Variants in CBX1 observed in about 807,000 individuals in gnomAD.
CBX1 encodes chromobox 1, also known as chromobox protein homolog 1.
Under a neutral mutation model 25.1 loss-of-function variants are expected in CBX1, and 10 were observed. That is an observed-to-expected ratio of 0.40 (90% CI 0.25 to 0.68). The LOEUF is 0.68. Among genes scored for constraint, CBX1 ranks in the 30% least tolerant of loss-of-function variants. CBX1 has a pLI of 0.40. For missense variants in CBX1, 106 were observed against 218.5 expected (o/e 0.49, Z 3.25); for synonymous variants, 63 against 79.4 (o/e 0.79, Z 1.10).
chr17:48,070,412 G>T lies in CBX1; in HGVS notation c.*1023C>A, dbSNP rs1340356000. The T allele has an allele frequency of 6.6e-6, 1 of 152,620 alleles. No individual in the cohort carries two copies. Among genetic ancestry groups the T allele is most frequent in the Non-Finnish European group, 1.5e-5 (1 of 68,050 alleles). 9.5% of individuals were successfully genotyped at this position (152,620 alleles called of 1,614,324 possible). Reference sequence around the variant, plus strand: ...CTTGTGCTGTCAGTGACTGAACCCTGCCAACAATGGTTTCAGTGTTCAAAG... The same window carrying T: ...CTTGTGCTGTCAGTGACTGAACCCTTCCAACAATGGTTTCAGTGTTCAAAG... On this transcript the variant is annotated 3_prime_UTR_variant, in exon 5 of 5. Transcript: ENST00000225603.
intron 1 of CBX1, among the ~76,000 whole-genome samples, chr17:48,099,749 A>G (rs1241221678): frequency 1.3e-5 from 2 of 152,208 alleles, no homozygotes; most frequent in African/African-American, 2.4e-5. Context: ...AACTGATTAT[A>G]GCTGAACTTT....
intron 1 of CBX1, among the ~76,000 whole-genome samples, chr17:48,080,836 G>C (rs1410764719): frequency 7.3e-6 from 1 of 136,646 alleles, no homozygotes. Flanking sequence ...CAGGAGAATT[G>C]CTTGAACCCG....
At chr17:48,092,606 G>T (rs1333437552) in intron 1 of CBX1, among the ~76,000 whole-genome samples, 1 of 151,410 alleles carries the variant, frequency 6.6e-6, no homozygotes, top group Non-Finnish European at 1.5e-5. Flanking sequence ...GGTGCCCGCC[G>T]CTGCACCTGG....
intron 1 of CBX1, among the ~76,000 whole-genome samples, chr17:48,089,731 G>C (rs1286045082): frequency 6.7e-6 from 1 of 148,940 alleles, no homozygotes; most frequent in South Asian, 2.2e-4. Flanking sequence ...GCTGAGGCAG[G>C]AGAATCACTT....
intron 1 of CBX1, among the ~76,000 whole-genome samples, chr17:48,086,758 G>A (rs2063314133): frequency 6.6e-6 from 1 of 152,150 alleles, no homozygotes; most frequent in Non-Finnish European, 1.5e-5. Context: ...TTGGGAGCCT[G>A]AGGCAGGAGA....
chr17:48,093,322 G>A (rs1464554413), intron 1 of CBX1, among the ~76,000 whole-genome samples: 10 of 148,442 alleles, frequency 6.7e-5, no homozygotes, highest in South Asian at 2.1e-4. Flanking sequence ...GACAGGTCTC[G>A]AAAAAAATTT....
Position 48,076,025 on chromosome 17 carries a change from G to A in CBX1, c.294C>T (p.Ser98=), listed in dbSNP as rs776637506. ...DSDSEDKGEE[S]KPKKKKEESE... ...CCTCTTCTTTCTTCTTCTTTGGTTT[G>A]CTCTCCTCTCCCTTATCTTCAGAAT... is the stretch of plus-strand genomic sequence containing the variant. The change falls in exon 3 of 5, where the codon AGC becomes AGT. Residue 98 remains serine (S), a synonymous_variant. Coordinates refer to ENST00000225603, the MANE Select transcript of CBX1 (RefSeq NM_001127228.2). 7 of 1,607,518 alleles carry A rather than the reference G, an allele frequency of 4.4e-6. 1 individual carries two copies. The South Asian group carries it at 7.8e-5, about 18-fold the overall frequency.
chr17:48,096,984 C>T (rs963078486), intron 1 of CBX1, among the ~76,000 whole-genome samples: 29 of 152,050 alleles, frequency 1.9e-4, no homozygotes, highest in African/African-American at 6.5e-4. Flanking sequence ...GGCGTGGTGG[C>T]TCACGCCTGT....
intron 4 of CBX1, among the ~76,000 whole-genome samples, chr17:48,074,041 G>A (rs928294566): frequency 1.3e-5 from 2 of 152,076 alleles, no homozygotes; most frequent in Admixed American, 6.5e-5. Flanking sequence ...GCTAAAAGAG[G>A]GGCAGCTCCA....
At chr17:48,084,158 T>A (rs905061511) in intron 1 of CBX1, among the ~76,000 whole-genome samples, 4 of 146,402 alleles carry the variant, frequency 2.7e-5, no homozygotes, top group Non-Finnish European at 3.0e-5. Flanking sequence ...TTTTTTCTGG[T>A]GGAGACAAGG....
intron 3 of CBX1, 100 bp downstream of exon 3, chr17:48,075,901 A>G: frequency 1.1e-6 from 1 of 894,228 alleles, no homozygotes; most frequent in Non-Finnish European, 1.7e-6. Flanking sequence ...TTTCAGGACT[A>G]AGAAGAGACA....
chr17:48,076,884 T>C lies in CBX1; in HGVS notation c.121A>G (p.Lys41Glu). The C allele has an allele frequency of 6.2e-7, 1 of 1,611,750 alleles. No homozygotes were observed. The highest frequency in any genetic ancestry group is 8.5e-7 in the Non-Finnish European group (1 of 1,179,472). Residue 41 changes from lysine to glutamate, a missense_variant, in exon 2 of 5, where the codon AAG (lysine) becomes GAG (glutamate). Transcript: ENST00000225603. ...VVKGKVEYLL[K>E]WKGFSDEDNT... is the part of the protein sequence containing the mutation. ...ACTTACTCTGAGAATCCCTTCCACT[T>C]TAGGAGGTACTCCACTTTGCCCTTT... is the stretch of plus-strand genomic sequence containing the variant.
intron 4 of CBX1, 67 bp downstream of exon 4, chr17:48,074,939 T>G: frequency 1.8e-6 from 2 of 1,133,034 alleles, no homozygotes; most frequent in South Asian, 1.2e-5. Context: ...GTCCAGCTCT[T>G]TTCCTCTGGC....
chr17:48,087,854 CAGAGCGAG>C (rs1227819513), intron 1 of CBX1, among the ~76,000 whole-genome samples: 1 of 115,072 alleles, frequency 8.7e-6, no homozygotes, highest in African/African-American at 3.5e-5. Context: ...AGCCTGGCAA[CAGAGCGAG>C]ACTCAGTCTC....
chr17:48,090,897 A>T (rs2063340724), intron 1 of CBX1, among the ~76,000 whole-genome samples: 1 of 152,264 alleles, frequency 6.6e-6, no homozygotes, highest in South Asian at 2.1e-4. Flanking sequence ...AAAATCCTTG[A>T]TCTCTTAGAC....
At chr17:48,100,343 T>C (rs2063401931) in intron 1 of CBX1, among the ~76,000 whole-genome samples, 3 of 152,086 alleles carry the variant, frequency 2.0e-5, no homozygotes, top group African/African-American at 4.8e-5. Flanking sequence ...TTAACTCATC[T>C]ACATATTTTT....
chr17:48,097,779 C>A (rs2063383560), intron 1 of CBX1, among the ~76,000 whole-genome samples: 1 of 152,090 alleles, frequency 6.6e-6, no homozygotes, highest in East Asian at 1.9e-4. Context: ...TTATTCTATG[C>A]AAATATTGAC....
intron 4 of CBX1, 144 bp downstream of exon 4, chr17:48,074,862 C>T (rs999677795): frequency 1.3e-5 from 9 of 696,864 alleles, no homozygotes; most frequent in African/African-American, 8.9e-5. Flanking sequence ...GCAGTCAGGC[C>T]GAGGGTCACT....
intron 4 of CBX1, among the ~76,000 whole-genome samples, chr17:48,074,251 A>C (rs140178351): frequency 6.6e-6 from 1 of 152,278 alleles, no homozygotes; most frequent in East Asian, 1.9e-4. Context: ...TTAAAGGACA[A>C]AGTTTCTAGA....
Sources: allele counts gnomAD v4.1 joint callset (sites outside exome capture counted in the v4.1 genomes callset), GRCh38; gene constraint gnomAD v4.1.1; transcripts MANE v1.5; gene names NCBI Gene and HGNC (gene_info 2026-07-23, HGNC 2026-07-21).